The following AGTPBP1 variants were observed in gnomAD, a reference collection of about 807,000 sequenced individuals.
The protein encoded by AGTPBP1 is cytosolic carboxypeptidase 1.
In AGTPBP1, 70 loss-of-function variants were observed where a neutral mutation model predicts 143.9. The observed-to-expected ratio is 0.49, with a 90% CI of 0.40 to 0.59. The LOEUF is 0.59. Among genes scored for constraint, AGTPBP1 ranks in the 20% least tolerant of loss-of-function variants. AGTPBP1 has a pLI of 0.00. For missense variants in AGTPBP1, 1,229 were observed against 1,464.5 expected, an observed-to-expected ratio of 0.84 and a Z score of 2.62; for synonymous variants, 463 against 500.2, an observed-to-expected ratio of 0.93 and a Z score of 0.99.
At chr9:85,729,898 C>T (rs1467556461) in intron 1 of AGTPBP1, among the ~76,000 whole-genome samples, 1 of 152,134 alleles carries the variant, frequency 6.6e-6, no homozygotes, top group Non-Finnish European at 1.5e-5. Context: ...TATTTCACAG[C>T]TCCTCCAGGG....
the AGTPBP1 span, among the ~76,000 whole-genome samples, chr9:85,755,144 G>A: frequency 6.6e-6 from 1 of 152,046 alleles, no homozygotes; most frequent in Non-Finnish European, 1.5e-5. Context: ...TCTTTGTCTT[G>A]GCCATTTTGC....
rs114480760 is a variant in AGTPBP1 at position 85,600,962 on chromosome 9, C to T, written c.2336-4513G>A. On this transcript the variant is annotated intron_variant, in intron 17 of 25. Coordinates refer to ENST00000357081, the MANE Select transcript of AGTPBP1 (RefSeq NM_001330701.2). ...TTGCACGTGCCCAGAGGACAGGGTC[C>T]CCTACCCACAGCCACCACCACTGCT... Among the ~76,000 whole-genome samples, 1,432 of 152,302 alleles carry T rather than the reference C, an allele frequency of 9.4e-3. 21 individuals carry two copies. Among genetic ancestry groups the T allele is most frequent in the African/African-American group, 0.033 (1,351 of 41,564 alleles).
intron 2 of AGTPBP1, among the ~76,000 whole-genome samples, chr9:85,701,535 T>C (rs1221434677): frequency 6.6e-6 from 1 of 152,180 alleles, no homozygotes; most frequent in Non-Finnish European, 1.5e-5. Flanking sequence ...CGGCCAACTT[T>C]TTATCTGAAC....
intron 13 of AGTPBP1, among the ~76,000 whole-genome samples, chr9:85,635,713 G>A (rs1483754368): frequency 2.0e-5 from 3 of 151,644 alleles, no homozygotes; most frequent in Non-Finnish European, 2.9e-5. Context: ...TCTCAAAGGC[G>A]ATGAAGGACA....
intron 1 of AGTPBP1, 25 bp from the exon 2 acceptor site, chr9:85,712,591 T>A: frequency 8.3e-7 from 1 of 1,199,252 alleles, no homozygotes; most frequent in Non-Finnish European, 1.2e-6. Flanking sequence ...TTAATGATAT[T>A]AAAAACTTAT....
At chr9:85,755,855 T>TA in the AGTPBP1 span, among the ~76,000 whole-genome samples, 2 of 152,176 alleles carry the variant, frequency 1.3e-5, no homozygotes, top group Admixed American at 1.3e-4. Flanking sequence ...GTTTAACATA[T>TA]CTGGGGGGTA....
the AGTPBP1 span, among the ~76,000 whole-genome samples, chr9:85,756,909 A>G: frequency 1.3e-5 from 2 of 151,916 alleles, no homozygotes; most frequent in Non-Finnish European, 2.9e-5. Context: ...ATTTCTGTCC[A>G]GAGACAAAAA....
intron 9 of AGTPBP1, among the ~76,000 whole-genome samples, chr9:85,660,610 T>G (rs1225304904): frequency 6.6e-6 from 1 of 152,150 alleles, no homozygotes; most frequent in African/African-American, 2.4e-5. Context: ...TTCAATACCA[T>G]GTTAGCTTTA....
At chr9:85,575,595 T>C in intron 24 of AGTPBP1, 120 bp from the exon 25 acceptor site, 1 of 798,532 alleles carries the variant, frequency 1.3e-6, no homozygotes, top group Non-Finnish European at 1.8e-6. Context: ...GGCTGGTACT[T>C]TGTATGGAAC....
chr9:85,603,914 T>C (rs895186269), intron 17 of AGTPBP1, among the ~76,000 whole-genome samples: 31 of 152,052 alleles, frequency 2.0e-4, no homozygotes, highest in Admixed American at 6.5e-4. Context: ...AAAAAAGAGA[T>C]GGAAGAGTGG....
chr9:85,600,689 G>C (rs1165217322), intron 17 of AGTPBP1, among the ~76,000 whole-genome samples: 1 of 152,128 alleles, frequency 6.6e-6, no homozygotes, highest in Non-Finnish European at 1.5e-5. Context: ...GACTAACACA[G>C]GGAGCTGCTT....
At chr9:85,730,888 C>T (rs1302784998) in intron 1 of AGTPBP1, among the ~76,000 whole-genome samples, 1 of 152,180 alleles carries the variant, frequency 6.6e-6, no homozygotes, top group African/African-American at 2.4e-5. Context: ...TGTTAAATTA[C>T]TATGTGGTTT....
intron 2 of AGTPBP1, among the ~76,000 whole-genome samples, chr9:85,711,813 C>T (rs1837395155): frequency 6.6e-6 from 1 of 152,102 alleles, no homozygotes; most frequent in Non-Finnish European, 1.5e-5. Context: ...GTCATAACTA[C>T]TCGAATTCAC....
intron 17 of AGTPBP1, among the ~76,000 whole-genome samples, chr9:85,612,856 G>A (rs1830399014): frequency 6.6e-6 from 1 of 151,440 alleles, no homozygotes; most frequent in African/African-American, 2.4e-5. Context: ...TGTGGGAAGT[G>A]GTGTGAGTAG....
At chr9:85,688,921 T>C (rs568320047) in intron 3 of AGTPBP1, among the ~76,000 whole-genome samples, 1 of 152,228 alleles carries the variant, frequency 6.6e-6, no homozygotes, top group African/African-American at 2.4e-5. Context: ...ATTTGATATG[T>C]ATCCTTCCTT....
At chr9:85,676,039 C>T (rs552351808) in intron 6 of AGTPBP1, among the ~76,000 whole-genome samples, 19 of 151,430 alleles carry the variant, frequency 1.3e-4, no homozygotes, top group African/African-American at 4.6e-4. Flanking sequence ...TAAAAAAAAA[C>T]ATTTCATTAC....
At chr9:85,726,364 T>A (rs1165793609) in intron 1 of AGTPBP1, among the ~76,000 whole-genome samples, 3 of 152,164 alleles carry the variant, frequency 2.0e-5, no homozygotes, top group African/African-American at 7.2e-5. Context: ...ATCATGAAAA[T>A]TTAGTTTTGT....
At chr9:85,763,179 A>C in the AGTPBP1 span, among the ~76,000 whole-genome samples, 1 of 152,064 alleles carries the variant, frequency 6.6e-6, no homozygotes, top group Non-Finnish European at 1.5e-5. Context: ...AAAAACAAAA[A>C]ACAAACAAAA....
the AGTPBP1 span, chr9:85,756,299 C>T: frequency 5.1e-5 from 76 of 1,485,676 alleles, no homozygotes; most frequent in Non-Finnish European, 6.6e-5. Context: ...CCACTCCCCA[C>T]TCCCCACTAG....
Sources: gnomAD v4.1 joint callset for allele counts (sites outside exome capture counted in the v4.1 genomes callset) on GRCh38, gnomAD v4.1.1 for gene constraint, MANE v1.5 for transcripts, NCBI Gene and HGNC (gene_info 2026-07-23, HGNC 2026-07-21) for gene names.